Variants in SASH1 observed in about 807,000 individuals in gnomAD.
SASH1 encodes the protein SAM and SH3 domain containing 1.
In SASH1, 44 loss-of-function variants were observed where a neutral mutation model predicts 125.2. The observed-to-expected ratio is 0.35, with a 90% CI of 0.28 to 0.45. The LOEUF (loss-of-function observed/expected upper bound fraction) is 0.45, where lower values mean the gene tolerates loss of function less well. SASH1 is among the 20% of genes least tolerant of loss of function. The pLI, the probability that SASH1 is intolerant of heterozygous loss-of-function variation, is 1.00. For synonymous variants in SASH1, 639 were observed against 649.1 expected, an observed-to-expected ratio of 0.98 and a Z score of 0.24; for missense variants, 1,426 against 1,614.5, an observed-to-expected ratio of 0.88 and a Z score of 2.00.
chr6:148,337,272 G>A (rs1781188709), intron 1 of SASH1, among the ~76,000 whole-genome samples: 1 of 148,722 alleles, frequency 6.7e-6, no homozygotes, highest in African/African-American at 2.5e-5. Context: ...CACCCAGGCT[G>A]CAGTGCAATG....
chr6:148,237,512 T>G, the SASH1 span: 1 of 152,214 alleles, frequency 6.6e-6, no homozygotes, highest in Non-Finnish European at 1.5e-5. Flanking sequence ...CCATTTTTTT[T>G]GTCCTCTACA....
At position 148,544,330 on chromosome 6, in the gene SASH1, G is replaced by C; in HGVS notation, c.2860G>C (p.Gly954Arg). Residue 954 changes from glycine (G) to arginine (R), a missense_variant, in exon 18 of 20, where the codon GGA becomes CGA. This residue lies in a region of SASH1 where 634 missense variants were observed against 694.4 expected (regional missense o/e 0.91). Coordinates refer to ENST00000367467, the MANE Select transcript of SASH1 (RefSeq NM_015278.5). This position sits in a 1 kb window ranked among gnomAD's most constrained non-coding sequence, Gnocchi z 6.4. ...ARTPLEGHRK[G>R]HEFEGTHHPL... ...GACGCCTCTGGAGGGCCACAGAAAA[G>C]GACACGAGTTTGAAGGAACACACCA... 6.2e-7 allele frequency: 1 copy of C among 1,614,146 alleles called. No homozygotes were observed.
intron 4 of SASH1, among the ~76,000 whole-genome samples, chr6:148,467,837 T>C (rs1777918331): frequency 6.6e-6 from 1 of 152,114 alleles, no homozygotes; most frequent in South Asian, 2.1e-4. Flanking sequence ...CTTGGGAGGC[T>C]GAGACAGGAG....
intron 1 of SASH1, among the ~76,000 whole-genome samples, chr6:148,319,997 C>G (rs2493908): frequency 0.26 from 40,018 of 152,038 alleles, 5,285 homozygotes; most frequent in African/African-American, 0.32. Flanking sequence ...CTGTTGAAGT[C>G]ACCCTTATTT....
the SASH1 span, among the ~76,000 whole-genome samples, chr6:148,247,037 G>A: frequency 3.6e-4 from 55 of 152,290 alleles, no homozygotes; most frequent in East Asian, 7.9e-3. Context: ...GGCCAAGGGC[G>A]ATGGAATGGA....
intron 1 of SASH1, among the ~76,000 whole-genome samples, chr6:148,330,137 T>A (rs1780948265): frequency 6.6e-6 from 1 of 152,214 alleles, no homozygotes; most frequent in Non-Finnish European, 1.5e-5. Context: ...TTTCCCAGAA[T>A]GTTATATTCA....
chr6:148,257,556 TG>T, the SASH1 span, among the ~76,000 whole-genome samples: 1 of 152,058 alleles, frequency 6.6e-6, no homozygotes, highest in Non-Finnish European at 1.5e-5. Flanking sequence ...CCACAAGCTC[TG>T]GGTTTTCAAA....
At chr6:148,485,865 T>G (rs938244929) in intron 7 of SASH1, among the ~76,000 whole-genome samples, 4 of 152,236 alleles carry the variant, frequency 2.6e-5, no homozygotes, top group Non-Finnish European at 5.9e-5. Context: ...TTTCTGTTTT[T>G]AAGTTGCTTG....
chr6:148,505,602 T>C (rs972255228), intron 8 of SASH1, among the ~76,000 whole-genome samples: 11 of 147,682 alleles, frequency 7.4e-5, no homozygotes, highest in Non-Finnish European at 1.2e-4. Flanking sequence ...TGAGCCACTG[T>C]GCCTGGCTGG....
chr6:148,435,707 G>A (rs535516035), intron 2 of SASH1, among the ~76,000 whole-genome samples: 9 of 152,242 alleles, frequency 5.9e-5, no homozygotes, highest in African/African-American at 2.2e-4. Flanking sequence ...AAAGTAAAAT[G>A]AGATGAACAT....
At chr6:148,258,547 A>G in the SASH1 span, among the ~76,000 whole-genome samples, 43,919 of 152,028 alleles carry the variant, frequency 0.29, 6,532 homozygotes, top group Non-Finnish European at 0.31. Context: ...AAGCTGCCTC[A>G]AACTCACACA....
the SASH1 span, among the ~76,000 whole-genome samples, chr6:148,199,211 G>A: frequency 1.3e-5 from 2 of 152,044 alleles, no homozygotes. Context: ...GCAAAACACT[G>A]TCTCTACTAA....
intron 1 of SASH1, among the ~76,000 whole-genome samples, chr6:148,289,512 G>T (rs1479849860): frequency 6.6e-6 from 1 of 152,234 alleles, no homozygotes; most frequent in Non-Finnish European, 1.5e-5. Context: ...ATCTCTGGTG[G>T]ATTTGTCTGG....
chr6:148,516,009 A>G lies in SASH1; in HGVS notation c.862+1553A>G, dbSNP rs150888365. On this transcript the variant is annotated intron_variant, in intron 9 of 19. Transcript: ENST00000367467. Reference sequence around the variant, plus strand: ...GCCTTTCCACTAGAATAACATGACTAAAAATACAGACATTGTAATTTGCAC... The same window carrying G: ...GCCTTTCCACTAGAATAACATGACTGAAAATACAGACATTGTAATTTGCAC... Among the ~76,000 whole-genome samples the G allele has an allele frequency of 1.2e-3, 186 of 152,336 alleles. 1 individual carries two copies. The highest frequency in any genetic ancestry group is 3.4e-3 in the Middle Eastern group (1 of 294).
intron 8 of SASH1, among the ~76,000 whole-genome samples, chr6:148,503,565 G>A (rs1242377183): frequency 1.3e-5 from 2 of 152,078 alleles, no homozygotes; most frequent in Non-Finnish European, 2.9e-5. Context: ...GTGTGGCTAC[G>A]GTGCACACCA....
At chr6:148,225,653 A>G in the SASH1 span, among the ~76,000 whole-genome samples, 1 of 152,326 alleles carries the variant, frequency 6.6e-6, no homozygotes, top group Admixed American at 6.5e-5. Context: ...GTGCTCCAGA[A>G]TACCAGAAAT....
the SASH1 span, among the ~76,000 whole-genome samples, chr6:148,254,929 T>C: frequency 1.3e-5 from 2 of 152,334 alleles, no homozygotes; most frequent in South Asian, 4.1e-4. Context: ...ACATTATTCA[T>C]AATAACCAAA....
intron 7 of SASH1, among the ~76,000 whole-genome samples, chr6:148,487,067 A>AAT (rs61032999): frequency 0.064 from 8,103 of 126,058 alleles, 648 homozygotes; most frequent in Non-Finnish European, 0.094. Context: ...GTAAAAAACA[A>AAT]ATATATATAT....
At chr6:148,348,057 A>C (rs1362639937) in intron 1 of SASH1, among the ~76,000 whole-genome samples, 1 of 152,058 alleles carries the variant, frequency 6.6e-6, no homozygotes, top group East Asian at 1.9e-4. Context: ...CCCAGGCTGG[A>C]GTGCAGTGGT....
Sources: allele counts gnomAD v4.1 joint callset (sites outside exome capture counted in the v4.1 genomes callset), GRCh38; gene constraint gnomAD v4.1.1; regional missense constraint gnomAD v4.1.1; non-coding constraint Gnocchi (gnomAD v3.1); transcripts MANE v1.5; gene names NCBI Gene and HGNC (gene_info 2026-07-23, HGNC 2026-07-21).